Variants in ZNF100 observed in about 807,000 individuals in gnomAD.
ZNF100 encodes the protein zinc finger protein 100.
A neutral mutation model predicts 15.8 loss-of-function variants in ZNF100; 12 were observed. That is an observed-to-expected ratio of 0.76 (90% confidence interval 0.49 to 1.23). ZNF100 has a LOEUF of 1.23. ZNF100 is among the 50% of genes most tolerant of loss of function. The pLI, the probability that ZNF100 is intolerant of heterozygous loss-of-function variation, is 0.00. For missense variants in ZNF100, 670 were observed against 635.6 expected (o/e 1.05, Z -0.58); for synonymous variants, 226 against 214.8 (o/e 1.05, Z -0.45).
chr19:21,740,650 T>A (rs767870521), intron 4 of ZNF100, among the ~76,000 whole-genome samples: 1 of 151,940 alleles, frequency 6.6e-6, no homozygotes, highest in Non-Finnish European at 1.5e-5. Flanking sequence ...AGGTCAGGAG[T>A]TGAAGACCAG....
rs1369596600 is a variant in ZNF100, at chr19:21,723,222, T to TG, written c.*3460dup. 1 of 150,660 alleles carries TG rather than the reference T, an allele frequency of 6.6e-6. No homozygotes were observed. The highest frequency in any genetic ancestry group is 1.5e-5 in the Non-Finnish European group (1 of 67,730). 9.3% of individuals were successfully genotyped at this position (150,660 alleles called of 1,614,324 possible). A position where few individuals can be genotyped will look rare whatever the true frequency, so the allele number is the denominator to read the frequency against. On this transcript the variant is annotated 3_prime_UTR_variant, in exon 5 of 5. Transcript: ENST00000358296. ...AAAAAAAAAAAAATTCAGCCAGATG[T>TG]GGTGGCAGGTGCCTGTAATCCCAGC...
chr19:21,739,269 T>C (rs1051044728), intron 4 of ZNF100, among the ~76,000 whole-genome samples: 8 of 152,240 alleles, frequency 5.3e-5, no homozygotes, highest in African/African-American at 1.9e-4. Context: ...TAACAAGTCT[T>C]ATTGAAGAAT....
chr19:21,733,907 A>G (rs2145696034), intron 4 of ZNF100, among the ~76,000 whole-genome samples: 1 of 152,376 alleles, frequency 6.6e-6, no homozygotes, highest in South Asian at 2.1e-4. Context: ...TGACACCTCC[A>G]GGTGTGGGAG....
rs2036314136 is a variant in ZNF100 at position 21,751,939 on chromosome 19, T to C, written c.97-6872A>G. ...TCTTAAAGGGAGAAATGAGGGGTTA[T>C]AATGTCACGGGACCTTCATCTACAA... On this transcript the variant is annotated intron_variant, in intron 2 of 4. Transcript: ENST00000358296. The C allele has an allele frequency of 2.8e-5, 14 of 500,070 alleles. No homozygotes were observed. The South Asian group carries it at 4.7e-4, about 17-fold the overall frequency. The allele number at this position is 500,070 out of a possible 1,614,324, so 31.0% of individuals were successfully genotyped here.
rs557709454 is a variant in ZNF100, at chr19:21,763,787, C to T, written c.96+1907G>A. 2.0e-5 allele frequency among the ~76,000 whole-genome samples: 3 copies of T among 152,268 alleles called. No individual in the cohort carries two copies. The South Asian group carries it at 6.2e-4, about 32-fold the overall frequency. ...TCAATCTCCAACTGCCATTCCCTTC[C>T]CACCTTCTCTCTAATCTTTTTTGCT... On this transcript the variant is annotated intron_variant, in intron 2 of 4. Coordinates refer to ENST00000358296, the MANE Select transcript of ZNF100 (RefSeq NM_173531.4).
chr19:21,764,954 A>AT, intron 2 of ZNF100, among the ~76,000 whole-genome samples: 1 of 152,200 alleles, frequency 6.6e-6, no homozygotes, highest in Non-Finnish European at 1.5e-5. Context: ...AAATTGAGAG[A>AT]TTTTGCCTGG....
At chr19:21,751,651 T>C (rs761820691) in intron 2 of ZNF100, 5 of 1,448,484 alleles carry the variant, frequency 3.5e-6, no homozygotes, top group Non-Finnish European at 4.8e-6. Context: ...AGGACATGAA[T>C]GAAATGGAAA....
At chr19:21,732,707 A>G (rs559334586) in intron 4 of ZNF100, among the ~76,000 whole-genome samples, 1 of 151,714 alleles carries the variant, frequency 6.6e-6, no homozygotes, top group Admixed American at 6.6e-5. Flanking sequence ...CATCAAGTAG[A>G]TCAATATATT....
At chr19:21,745,707 A>G (rs2036201559) in intron 2 of ZNF100, among the ~76,000 whole-genome samples, 3 of 151,918 alleles carry the variant, frequency 2.0e-5, no homozygotes, top group Admixed American at 1.3e-4. Context: ...TATTTTTAGT[A>G]GAGACGGGGT....
intron 4 of ZNF100, among the ~76,000 whole-genome samples, chr19:21,728,818 G>A (rs574950308): frequency 1.3e-5 from 2 of 151,808 alleles, no homozygotes; most frequent in South Asian, 2.1e-4. Flanking sequence ...TATACACACC[G>A]ATTTTAAAAA....
chr19:21,750,908 G>A (rs2036295197), intron 2 of ZNF100: 3 of 595,140 alleles, frequency 5.0e-6, no homozygotes, highest in Non-Finnish European at 5.9e-6. Flanking sequence ...GGGCCGGTGC[G>A]TGGTGCCAGA....
In ZNF100 at chr19:21,727,613, G is replaced by C; in HGVS notation, c.699C>G (p.Tyr233Ter). 6.2e-7 allele frequency: 1 copy of C among 1,612,424 alleles called. No homozygotes were observed. The highest frequency in any genetic ancestry group is 8.5e-7 in the Non-Finnish European group (1 of 1,179,330). Reference sequence around the variant, plus strand: ...AGGCTTTGCCACAATCTTTACATTGGTAGGAATTCTCTGTAATATGAAATC... The same window carrying C: ...AGGCTTTGCCACAATCTTTACATTGCTAGGAATTCTCTGTAATATGAAATC... ...HKRFHITENS[Y>*]QCKDCGKAFN... Residue 233 changes from tyrosine (Y) to a stop codon, truncating the protein, a stop_gained, in exon 5 of 5, where the codon TAC becomes TAG. Transcript: ENST00000358296. LOFTEE classifies it low-confidence loss of function (END_TRUNC).
chr19:21,745,881 A>T (rs571510859), intron 2 of ZNF100, among the ~76,000 whole-genome samples: 1 of 152,322 alleles, frequency 6.6e-6, no homozygotes, highest in African/African-American at 2.4e-5. Flanking sequence ...CCCAAAAGAA[A>T]ATTCTGTGAA....
At chr19:21,737,685 T>C (rs370825345) in intron 4 of ZNF100, among the ~76,000 whole-genome samples, 3 of 151,878 alleles carry the variant, frequency 2.0e-5, no homozygotes, top group Admixed American at 1.3e-4. Flanking sequence ...CAGGAAGAAG[T>C]TGAATCCCTG....
At position 21,727,147 on chromosome 19, in the gene ZNF100, T is replaced by G. The variant is rs942897958; in HGVS notation, c.1165A>C (p.Thr389Pro). ...GKAFYRFSYL[T>P]KHKTSHTGEK... ...CCAGTATGACTTGTCTTATGTTTAG[T>G]AAGGTATGAGAATCGGTAAAAAGCT... The change falls in exon 5 of 5, where the codon ACT (threonine) becomes CCT (proline). Residue 389 changes from threonine to proline, a missense_variant. Coordinates refer to ENST00000358296, the MANE Select transcript of ZNF100 (RefSeq NM_173531.4). 5 of 1,611,974 alleles carry G rather than the reference T, an allele frequency of 3.1e-6. No homozygotes were observed. The highest frequency in any genetic ancestry group is 3.4e-6 in the Non-Finnish European group (4 of 1,178,328).
intron 4 of ZNF100, among the ~76,000 whole-genome samples, chr19:21,731,071 AAAAAG>A (rs1422429092): frequency 6.6e-6 from 1 of 152,118 alleles, no homozygotes; most frequent in Non-Finnish European, 1.5e-5. Context: ...AGTCTTCAAA[AAAAAG>A]AAAATGTTGA....
intron 2 of ZNF100, among the ~76,000 whole-genome samples, chr19:21,754,112 G>A (rs1425894905): frequency 6.6e-6 from 1 of 151,854 alleles, no homozygotes; most frequent in African/African-American, 2.4e-5. Context: ...GCATTCCTGG[G>A]CCAGGAATAC....
chr19:21,746,624 T>C (rs1296936268), intron 2 of ZNF100, among the ~76,000 whole-genome samples: 2 of 152,192 alleles, frequency 1.3e-5, no homozygotes, highest in African/African-American at 2.4e-5. Flanking sequence ...AGCCATGATA[T>C]TGAGAATGTA....
At chr19:21,761,669 C>CT (rs78046056) in intron 2 of ZNF100, among the ~76,000 whole-genome samples, 1 of 151,104 alleles carries the variant, frequency 6.6e-6, no homozygotes, top group Non-Finnish European at 1.5e-5. Context: ...AAGACTAAAA[C>CT]TTTTTTTTTT....
Sources: allele counts gnomAD v4.1 joint callset (sites outside exome capture counted in the v4.1 genomes callset), GRCh38; gene constraint gnomAD v4.1.1; transcripts MANE v1.5; gene names NCBI Gene and HGNC (gene_info 2026-07-23, HGNC 2026-07-21).